GPHN: variants seen among roughly 807,000 people sequenced by gnomAD.
The protein encoded by GPHN is gephyrin.
A neutral mutation model predicts 95.5 loss-of-function variants in GPHN; 17 were observed. The ratio of observed to expected loss-of-function variants is 0.18; its 90% confidence interval spans 0.12 to 0.27. GPHN has a LOEUF of 0.27. Among genes scored for constraint, GPHN ranks in the 10% least tolerant of loss-of-function variants. The probability of loss-of-function intolerance (pLI) is 1.00; values close to 1 mark genes in which losing one functional copy is unlikely to be tolerated. For synonymous variants in GPHN, 320 were observed against 322.5 expected (o/e 0.99, Z 0.08); for missense variants, 660 against 978.1 (o/e 0.67, Z 4.34).
At chr14:66,602,154 A>G (rs2062279559) in intron 1 of GPHN, among the ~76,000 whole-genome samples, 1 of 151,954 alleles carries the variant, frequency 6.6e-6, no homozygotes, top group African/African-American at 2.4e-5. Context: ...GAATACTCCA[A>G]AACCCTTTAT....
chr14:67,376,758 G>A, the GPHN span, among the ~76,000 whole-genome samples: 1 of 152,282 alleles, frequency 6.6e-6, no homozygotes, highest in East Asian at 1.9e-4. Context: ...GTAGTTTTAT[G>A]TATCATAGTT....
At chr14:67,609,939 AG>A in the GPHN span, among the ~76,000 whole-genome samples, 20 of 152,234 alleles carry the variant, frequency 1.3e-4, no homozygotes, top group African/African-American at 4.1e-4. Context: ...TGAGAGGGAC[AG>A]GCTTCCCTGA....
the GPHN span, among the ~76,000 whole-genome samples, chr14:67,540,737 TG>T: frequency 6.6e-6 from 1 of 152,204 alleles, no homozygotes; most frequent in African/African-American, 2.4e-5. Context: ...TTATACTTTT[TG>T]GGAAGCATCA....
the GPHN span, among the ~76,000 whole-genome samples, chr14:67,702,292 T>C: frequency 6.6e-6 from 1 of 152,162 alleles, no homozygotes; most frequent in African/African-American, 2.4e-5. Flanking sequence ...TTAAGTTTTT[T>C]TCTATTAACC....
chr14:67,608,664 C>A, the GPHN span, among the ~76,000 whole-genome samples: 3 of 152,172 alleles, frequency 2.0e-5, no homozygotes, highest in Non-Finnish European at 4.4e-5. Flanking sequence ...AAGAAACTTC[C>A]TCCCAGGAAA....
chr14:67,083,229 G>GC (rs371658241), intron 11 of GPHN, among the ~76,000 whole-genome samples: 2,507 of 147,918 alleles, frequency 0.017, 31 homozygotes, highest in African/African-American at 0.036. Context: ...TTGGATCTAT[G>GC]CCCCCCCCCC....
At chr14:67,387,500 A>T in the GPHN span, 2 of 1,584,496 alleles carry the variant, frequency 1.3e-6, no homozygotes, top group South Asian at 1.2e-5. Flanking sequence ...TTGAATAGCC[A>T]TGTCTGCTTT....
chr14:66,864,198 A>G (rs1013826691), intron 4 of GPHN, among the ~76,000 whole-genome samples: 3 of 152,220 alleles, frequency 2.0e-5, no homozygotes, highest in African/African-American at 2.4e-5. Flanking sequence ...CAAATGGCAA[A>G]CAGGACTATG....
At chr14:67,203,265 C>T in the GPHN span, 3 of 1,600,222 alleles carry the variant, frequency 1.9e-6, no homozygotes, top group Non-Finnish European at 2.6e-6. Context: ...CCTGACATCT[C>T]CTCCTGCAGA....
the GPHN span, chr14:67,474,001 C>T: frequency 6.8e-7 from 1 of 1,466,986 alleles, no homozygotes; most frequent in South Asian, 1.4e-5. Flanking sequence ...GCCTATAATC[C>T]CTGCGCTTTG....
intron 12 of GPHN, among the ~76,000 whole-genome samples, chr14:67,098,806 G>C (rs2077534541): frequency 6.9e-6 from 1 of 145,854 alleles, no homozygotes; most frequent in Non-Finnish European, 1.5e-5. Flanking sequence ...TGAGCAGCAA[G>C]AGCGAAACTC....
the GPHN span, among the ~76,000 whole-genome samples, chr14:67,407,586 G>C: frequency 6.6e-6 from 1 of 151,702 alleles, no homozygotes. Flanking sequence ...GACTACAAGC[G>C]AGTACCACCA....
intron 2 of GPHN, among the ~76,000 whole-genome samples, chr14:66,725,054 A>T (rs2071092564): frequency 6.6e-6 from 1 of 152,208 alleles, no homozygotes; most frequent in African/African-American, 2.4e-5. Context: ...ATAGGGCCAC[A>T]GTCTTAATGC....
intron 20 of GPHN, among the ~76,000 whole-genome samples, chr14:67,167,083 T>C (rs763439142): frequency 2.6e-5 from 4 of 152,256 alleles, no homozygotes; most frequent in Non-Finnish European, 4.4e-5. Context: ...TTACTTGTTT[T>C]TTTGGACATT....
At chr14:67,443,262 A>C in the GPHN span, among the ~76,000 whole-genome samples, 1 of 151,850 alleles carries the variant, frequency 6.6e-6, no homozygotes, top group East Asian at 1.9e-4. Flanking sequence ...GTACATTGTG[A>C]CCCCCAAATT....
intron 16 of GPHN, among the ~76,000 whole-genome samples, chr14:67,115,981 C>T (rs1209880764): frequency 1.3e-5 from 2 of 152,090 alleles, no homozygotes; most frequent in East Asian, 3.9e-4. Flanking sequence ...TTTCTGTATT[C>T]GTTGATTTCA....
intron 13 of GPHN, among the ~76,000 whole-genome samples, chr14:67,108,295 G>A (rs2078161571): frequency 1.3e-5 from 2 of 152,088 alleles, no homozygotes; most frequent in Admixed American, 6.6e-5. Context: ...AAAGAGCAAG[G>A]GGAATGAAAA....
chr14:66,559,187 C>T (rs890929024), intron 1 of GPHN, among the ~76,000 whole-genome samples: 36 of 152,118 alleles, frequency 2.4e-4, no homozygotes, highest in Admixed American at 1.0e-3. Context: ...TGAATAGTAC[C>T]GCAATAAACA....
At chr14:67,189,074 A>G in the GPHN span, among the ~76,000 whole-genome samples, 2 of 152,208 alleles carry the variant, frequency 1.3e-5, no homozygotes, top group Non-Finnish European at 2.9e-5. Flanking sequence ...AGTGCCTTAA[A>G]TATGTTTAAG....
Sources: allele counts gnomAD v4.1 joint callset (sites outside exome capture counted in the v4.1 genomes callset), GRCh38; gene constraint gnomAD v4.1.1; transcripts MANE v1.5; gene names NCBI Gene and HGNC (gene_info 2026-07-23, HGNC 2026-07-21).